FUT8: variants seen among roughly 807,000 people sequenced by gnomAD.
FUT8 encodes the protein fucosyltransferase 8, also known as alpha-(1,6)-fucosyltransferase.
Under a neutral mutation model 71.3 loss-of-function variants are expected in FUT8, and 29 were observed. The observed-to-expected ratio is 0.41, with a 90% CI of 0.30 to 0.55. FUT8 has a LOEUF of 0.55. Ranked by LOEUF, FUT8 falls within the 20% of genes least tolerant of loss-of-function variation. The pLI is 0.34. For synonymous variants in FUT8, 254 were observed against 239.3 expected, an observed-to-expected ratio of 1.06 and a Z score of -0.57; for missense variants, 544 against 702.1, an observed-to-expected ratio of 0.77 and a Z score of 2.55.
chr14:65,389,902 G>T, the FUT8 span, among the ~76,000 whole-genome samples: 1 of 151,262 alleles, frequency 6.6e-6, no homozygotes, highest in Admixed American at 6.6e-5. Context: ...AGTACAATTG[G>T]GAGGCTGAGG....
At chr14:65,622,984 G>C (rs1889704749) in intron 5 of FUT8, among the ~76,000 whole-genome samples, 1 of 145,066 alleles carries the variant, frequency 6.9e-6, no homozygotes, top group Non-Finnish European at 1.5e-5. Flanking sequence ...AAAACGACCT[G>C]GGCTAAAGTG....
intron 6 of FUT8, among the ~76,000 whole-genome samples, chr14:65,648,708 C>G (rs988721548): frequency 1.3e-5 from 2 of 152,188 alleles, no homozygotes; most frequent in Non-Finnish European, 2.9e-5. Context: ...TGAAGCATCT[C>G]TGCTAATGAA....
intron 2 of FUT8, among the ~76,000 whole-genome samples, chr14:65,474,441 G>GAA (rs398025445): frequency 0.032 from 1,275 of 39,686 alleles, 261 homozygotes; most frequent in Non-Finnish European, 0.043. Flanking sequence ...TGTCTCTACT[G>GAA]AAAAAAAAAA....
chr14:65,550,627 T>C lies in FUT8; in HGVS notation c.-227-10710T>C, dbSNP rs1885233836. ...ATGATATTTTTTGTTCTACAAGTTA[T>C]ACATTTTTATTGTAGTTTTCTTTTT... On this transcript the variant is annotated intron_variant, in intron 2 of 10. Transcript: ENST00000673929. This position sits in a 1 kb window ranked among gnomAD's most constrained non-coding sequence, Gnocchi z 4.5. Among the ~76,000 whole-genome samples, 2 of 152,208 alleles carry C rather than the reference T, an allele frequency of 1.3e-5. No individual in the cohort carries two copies. Among genetic ancestry groups the C allele is most frequent in the South Asian group, 4.1e-4 (2 of 4,834 alleles).
chr14:65,718,237 A>G (rs1444527574), intron 7 of FUT8, among the ~76,000 whole-genome samples: 1 of 151,684 alleles, frequency 6.6e-6, no homozygotes, highest in Non-Finnish European at 1.5e-5. Flanking sequence ...TATTCATTGT[A>G]TGTTTTTTGA....
At chr14:65,501,660 A>T (rs183580391) in intron 2 of FUT8, among the ~76,000 whole-genome samples, 27 of 152,316 alleles carry the variant, frequency 1.8e-4, no homozygotes, top group African/African-American at 6.0e-4. Context: ...AAAGATGAGT[A>T]TTAAAGGGTA....
At chr14:65,428,326 T>G (rs2065419482) in intron 1 of FUT8, among the ~76,000 whole-genome samples, 1 of 152,166 alleles carries the variant, frequency 6.6e-6, no homozygotes, top group Non-Finnish European at 1.5e-5. Context: ...ACCTTCACTT[T>G]GATGGTTTTA....
At position 65,688,464 on chromosome 14, in the gene FUT8, GTTTA is replaced by G. The variant is rs374058887; in HGVS notation, c.835+18990_835+18993del. On this transcript the variant is annotated intron_variant, in intron 7 of 10. Transcript: ENST00000673929. The stretch of plus-strand genomic sequence containing the variant: ...TACTGTATTATATGGATGCATCACA[GTTTA>G]TTTATCCATTTAACAACAGTTAGTT... Among the ~76,000 whole-genome samples, 711 of 118,690 alleles carry G rather than the reference GTTTA, an allele frequency of 6.0e-3. 7 individuals carry two copies. The highest frequency in any genetic ancestry group is 0.022 in the African/African-American group (676 of 30,596). The allele number at this position is 118,690 out of a possible 152,430, so 77.9% of individuals were successfully genotyped here. A position where few individuals can be genotyped will look rare whatever the true frequency, so the allele number is the denominator to read the frequency against.
rs2065169448 is a variant in FUT8, at chr14:65,413,433, G to A, written c.-326+219G>A. 6.6e-6 allele frequency among the ~76,000 whole-genome samples: 1 copy of A among 152,074 alleles called. No homozygotes were observed. Among genetic ancestry groups the A allele is most frequent in the East Asian group, 1.9e-4 (1 of 5,194 alleles). On this transcript the variant is annotated intron_variant, in intron 1 of 10. Transcript: ENST00000673929. This position sits in a 1 kb window ranked among gnomAD's most constrained non-coding sequence, Gnocchi z 4.1. ...CGCAGCCCCGGGGGCGCGGGCAGAG[G>A]GTGAGGGGCGCCCGCCTCTCCAGCC...
chr14:65,416,000 G>T (rs2065214456), intron 1 of FUT8, among the ~76,000 whole-genome samples: 1 of 152,002 alleles, frequency 6.6e-6, no homozygotes. Flanking sequence ...TGGTTTTTTT[G>T]CAGATAGTGT....
the FUT8 span, among the ~76,000 whole-genome samples, chr14:65,396,598 G>A: frequency 6.0e-4 from 92 of 152,318 alleles, no homozygotes; most frequent in Non-Finnish European, 1.1e-3. The surrounding 1 kb of genome is among the most constrained non-coding windows in gnomAD (Gnocchi z 5.5). Context: ...CAACACATGG[G>A]AATTATGGGA....
At chr14:65,500,687 G>A (rs1159195884) in intron 2 of FUT8, among the ~76,000 whole-genome samples, 2 of 151,784 alleles carry the variant, frequency 1.3e-5, no homozygotes, top group Non-Finnish European at 2.9e-5. Context: ...AGTCTTCTTT[G>A]GACTTTCCCT....
At chr14:65,513,617 C>T (rs1049447347) in intron 2 of FUT8, among the ~76,000 whole-genome samples, 14 of 149,526 alleles carry the variant, frequency 9.4e-5, no homozygotes, top group African/African-American at 2.0e-4. Flanking sequence ...AAATTGTTCC[C>T]TTCTCTGTAG....
At chr14:65,661,396 G>A (rs929642866) in intron 6 of FUT8, among the ~76,000 whole-genome samples, 6 of 152,162 alleles carry the variant, frequency 3.9e-5, no homozygotes, top group Admixed American at 1.3e-4. Context: ...TGTCTCTGTA[G>A]ATGTAATTCA....
chr14:65,686,387 T>C (rs1893286167), intron 7 of FUT8, among the ~76,000 whole-genome samples: 1 of 152,198 alleles, frequency 6.6e-6, no homozygotes, highest in African/African-American at 2.4e-5. Context: ...GATTCTTTTT[T>C]AAATAATAAG....
intron 2 of FUT8, among the ~76,000 whole-genome samples, chr14:65,554,549 G>A (rs1319874918): frequency 2.0e-5 from 3 of 151,800 alleles, no homozygotes; most frequent in African/African-American, 4.8e-5. Flanking sequence ...GCCCAGAAAC[G>A]GGTACCCTTC....
At chr14:65,382,429 C>A in the FUT8 span, among the ~76,000 whole-genome samples, 3 of 152,220 alleles carry the variant, frequency 2.0e-5, no homozygotes, top group South Asian at 4.1e-4. Context: ...CTTCGCCTCC[C>A]GAGTTCAAGT....
At chr14:65,692,481 C>G (rs1198480196) in intron 7 of FUT8, among the ~76,000 whole-genome samples, 2 of 79,816 alleles carry the variant, frequency 2.5e-5, no homozygotes, top group African/African-American at 4.7e-5. Flanking sequence ...CCCTCCCAGA[C>G]GGGGCGGCTG....
In FUT8 at chr14:65,742,498, C is replaced by A; in HGVS notation, c.*88C>A. On this transcript the variant is annotated 3_prime_UTR_variant, in exon 11 of 11. Coordinates refer to ENST00000673929, the MANE Select transcript of FUT8 (RefSeq NM_001371533.1). ...AGCCAAACTGTAGATGAAGAGGGCT[C>A]TGATCTAACAAAATAAGGTTATATG... 1.8e-6 allele frequency: 2 copies of A among 1,109,324 alleles called. No homozygotes were observed. The highest frequency in any genetic ancestry group is 2.6e-6 in the Non-Finnish European group (2 of 778,016). 68.7% of individuals were successfully genotyped at this position (1,109,324 alleles called of 1,614,324 possible). A position where few individuals can be genotyped will look rare whatever the true frequency, so the allele number is the denominator to read the frequency against.
Sources: gnomAD v4.1 joint callset for allele counts (sites outside exome capture counted in the v4.1 genomes callset) on GRCh38, gnomAD v4.1.1 for gene constraint, Gnocchi (gnomAD v3.1) non-coding constraint, MANE v1.5 for transcripts, NCBI Gene and HGNC (gene_info 2026-07-23, HGNC 2026-07-21) for gene names.